Variants in MAPT observed in about 807,000 individuals in gnomAD.
The protein encoded by MAPT is microtubule associated protein tau.
In MAPT, 34 loss-of-function variants were observed where a neutral mutation model predicts 67.9. The ratio of observed to expected loss-of-function variants is 0.50; its 90% confidence interval spans 0.38 to 0.67. MAPT has a LOEUF of 0.67. Among genes scored for constraint, MAPT ranks in the 30% least tolerant of loss-of-function variants. The pLI, the probability that MAPT is intolerant of heterozygous loss-of-function variation, is 0.00. For missense variants in MAPT, 881 were observed against 1,115.2 expected (o/e 0.79, Z 2.99); for synonymous variants, 456 against 464.5 (o/e 0.98, Z 0.23).
chr17:46,006,960 AAAATAAAATAAAATAAAAT>A (rs2075478291), intron 9 of MAPT, among the ~76,000 whole-genome samples: 4 of 128,422 alleles, frequency 3.1e-5, no homozygotes, highest in African/African-American at 2.7e-5. Flanking sequence ...ATAATAAAAT[AAAATAAAATAAAATAAAAT>A]AAATAAAATA....
At chr17:45,982,739 C>T (rs754714761) in intron 4 of MAPT, 127 bp from the exon 5 acceptor site, 34 of 293,834 alleles carry the variant, frequency 1.2e-4, no homozygotes, top group East Asian at 2.8e-4. Flanking sequence ...CAGAGCTGTG[C>T]TCCCATCTCT....
intron 3 of MAPT, chr17:45,973,465 C>T (rs2071948209): frequency 6.6e-6 from 1 of 152,262 alleles, no homozygotes; most frequent in Non-Finnish European, 1.5e-5. Flanking sequence ...TCGCAATGCC[C>T]TCTGGACCCT....
intron 3 of MAPT, chr17:45,974,395 AC>A: frequency 6.2e-7 from 1 of 1,607,390 alleles, no homozygotes; most frequent in Admixed American, 1.7e-5. Context: ...ATGTGACAGC[AC>A]CCTTAGTGGA....
At chr17:46,005,629 T>C (rs2075360673) in intron 9 of MAPT, among the ~76,000 whole-genome samples, 1 of 152,266 alleles carries the variant, frequency 6.6e-6, no homozygotes, top group East Asian at 1.9e-4. Flanking sequence ...AGAAGGAGTT[T>C]ATGTGGGATT....
chr17:45,935,093 C>T (rs2067202827), intron 1 of MAPT, among the ~76,000 whole-genome samples: 1 of 152,138 alleles, frequency 6.6e-6, no homozygotes, highest in African/African-American at 2.4e-5. Flanking sequence ...CCAAGAGCCC[C>T]TCATGAGAAT....
intron 1 of MAPT, among the ~76,000 whole-genome samples, chr17:45,935,945 A>G (rs2067281380): frequency 6.6e-6 from 1 of 152,132 alleles, no homozygotes; most frequent in Non-Finnish European, 1.5e-5. Context: ...GCTCAGGACA[A>G]TCTGCTTTCT....
At chr17:45,957,307 T>G (rs56367860) in intron 1 of MAPT, among the ~76,000 whole-genome samples, 21,780 of 152,174 alleles carry the variant, frequency 0.14, 2,134 homozygotes, top group Non-Finnish European at 0.22. Context: ...GTGTGAGATG[T>G]TATCTCATGG....
intron 9 of MAPT, among the ~76,000 whole-genome samples, chr17:46,006,643 G>A (rs2075438996): frequency 1.3e-5 from 2 of 152,046 alleles, no homozygotes; most frequent in Non-Finnish European, 1.5e-5. Context: ...AGCTGGGCAT[G>A]GTGGCTCACG....
chr17:46,007,868 C>A (rs2075557014), intron 9 of MAPT, among the ~76,000 whole-genome samples: 1 of 152,120 alleles, frequency 6.6e-6, no homozygotes, highest in South Asian at 2.1e-4. Context: ...ATGGAAAAAG[C>A]TCCTTTCAGA....
chr17:45,960,778 C>A (rs12603508), intron 1 of MAPT, among the ~76,000 whole-genome samples: 3 of 150,932 alleles, frequency 2.0e-5, no homozygotes, highest in Non-Finnish European at 2.9e-5. Flanking sequence ...CATAGTGAGA[C>A]CCCCGTCCCC....
At chr17:45,999,881 A>G (rs766242365) in intron 9 of MAPT, among the ~76,000 whole-genome samples, 4 of 152,254 alleles carry the variant, frequency 2.6e-5, no homozygotes, top group Non-Finnish European at 4.4e-5. Flanking sequence ...AACCTCAGCC[A>G]TAACAAAGAC....
At chr17:45,978,527 C>G in intron 4 of MAPT, 87 bp downstream of exon 4, 1 of 1,085,666 alleles carries the variant, frequency 9.2e-7, no homozygotes, top group Non-Finnish European at 1.4e-6. Flanking sequence ...TCATTTGGAC[C>G]TGAGCTCTAA....
rs1298540882 is a variant in MAPT, at chr17:46,028,213, C to T, written c.*4042C>T. 1 of 152,162 alleles carries T rather than the reference C, an allele frequency of 6.6e-6. No homozygotes were observed. Among genetic ancestry groups the T allele is most frequent in the East Asian group, 1.9e-4 (1 of 5,168 alleles). The allele number at this position is 152,162 out of a possible 1,614,324, so 9.4% of individuals were successfully genotyped here. ...GAGGGTGGGGGGAGGGACATGAAAT[C>T]ATCTTAGCTTAGCTTTCTGTCTGTG... On this transcript the variant is annotated 3_prime_UTR_variant, in exon 13 of 13. Transcript: ENST00000262410.
intron 2 of MAPT, among the ~76,000 whole-genome samples, chr17:45,970,373 T>C (rs898847246): frequency 7.9e-5 from 12 of 151,888 alleles, no homozygotes; most frequent in African/African-American, 2.9e-4. Context: ...AATACATTCA[T>C]CCAATCATCC....
intron 1 of MAPT, among the ~76,000 whole-genome samples, chr17:45,941,600 T>TTCCCTCCCTCCC: frequency 4.6e-5 from 6 of 131,322 alleles, no homozygotes; most frequent in Admixed American, 1.5e-4. Flanking sequence ...CCTTCCTTCC[T>TTCCCTCCCTCCC]TCCTTCCCTC....
At chr17:45,944,546 C>G (rs191626695) in intron 1 of MAPT, among the ~76,000 whole-genome samples, 2 of 152,192 alleles carry the variant, frequency 1.3e-5, no homozygotes, top group Non-Finnish European at 2.9e-5. Flanking sequence ...CCAGGTCCAA[C>G]GAGAAGCCAA....
intron 1 of MAPT, among the ~76,000 whole-genome samples, chr17:45,919,934 A>G (rs903893638): frequency 1.3e-5 from 2 of 152,164 alleles, no homozygotes; most frequent in Non-Finnish European, 2.9e-5. Context: ...ACAAACAAAC[A>G]AAAGAAGGCT....
intron 3 of MAPT, chr17:45,976,388 C>T (rs1378734205): frequency 3.3e-5 from 5 of 152,186 alleles, no homozygotes; most frequent in Non-Finnish European, 5.9e-5. Flanking sequence ...CATGTAGCCA[C>T]CCCCACCACC....
At chr17:45,938,238 TC>T (rs753820838) in intron 1 of MAPT, among the ~76,000 whole-genome samples, 46 of 152,354 alleles carry the variant, frequency 3.0e-4, no homozygotes, top group Non-Finnish European at 4.7e-4. Context: ...AAGGTTGCGG[TC>T]CTTTCTGGAG....
Sources: allele counts gnomAD v4.1 joint callset (sites outside exome capture counted in the v4.1 genomes callset), GRCh38; gene constraint gnomAD v4.1.1; transcripts MANE v1.5; gene names NCBI Gene and HGNC (gene_info 2026-07-23, HGNC 2026-07-21).